Variants in RTF1 observed in about 807,000 individuals in gnomAD.
The protein encoded by RTF1 is RTF1 homolog, Paf1/RNA polymerase II complex component, also known as RNA polymerase-associated protein RTF1 homolog.
Under a neutral mutation model 95.7 loss-of-function variants are expected in RTF1, and 10 were observed. That is an observed-to-expected ratio of 0.10 (90% CI 0.06 to 0.18). The LOEUF (loss-of-function observed/expected upper bound fraction) is 0.18, where lower values mean the gene tolerates loss of function less well. RTF1 is among the 10% of genes least tolerant of loss of function. RTF1 has a pLI of 1.00. For synonymous variants in RTF1, 305 were observed against 311.8 expected (o/e 0.98, Z 0.23); for missense variants, 458 against 875.6 (o/e 0.52, Z 6.02).
intron 1 of RTF1, among the ~76,000 whole-genome samples, chr15:41,433,970 C>T (rs998676562): frequency 6.6e-6 from 1 of 151,444 alleles, no homozygotes; most frequent in African/African-American, 2.4e-5. Flanking sequence ...CTCAGCCTCC[C>T]GAGTAGCTAG....
In RTF1 at chr15:41,464,752, C is replaced by A. The variant is rs1367882743; in HGVS notation, c.663-19C>A. The A allele has an allele frequency of 6.5e-7, 1 of 1,531,112 alleles. No homozygotes were observed. The allele number at this position is 1,531,112 out of a possible 1,614,324, so 94.8% of individuals were successfully genotyped here. A position where few individuals can be genotyped will look rare whatever the true frequency, so the allele number is the denominator to read the frequency against. On this transcript the variant is annotated intron_variant, in intron 4 of 17. Coordinates refer to ENST00000389629, the MANE Select transcript of RTF1 (RefSeq NM_015138.5). ...TATACATTTCATTGCTACTTAAAAACCAAATATCTTTTAACCAGATTTGAA... is the reference window on the plus strand; with the variant it reads ...TATACATTTCATTGCTACTTAAAAAACAAATATCTTTTAACCAGATTTGAA...
At chr15:41,456,711 A>C (rs181875213) in intron 3 of RTF1, among the ~76,000 whole-genome samples, 4 of 151,464 alleles carry the variant, frequency 2.6e-5, no homozygotes, top group African/African-American at 9.7e-5. Context: ...AACTGTTTGA[A>C]CCGGGGAGGT....
At chr15:41,425,349 C>T (rs1482033947) in intron 1 of RTF1, among the ~76,000 whole-genome samples, 1 of 152,032 alleles carries the variant, frequency 6.6e-6, no homozygotes, top group African/African-American at 2.4e-5. Flanking sequence ...CATGATCTGC[C>T]CGCCTCGGCC....
intron 2 of RTF1, among the ~76,000 whole-genome samples, chr15:41,451,453 G>A (rs1043892552): frequency 2.6e-5 from 4 of 152,112 alleles, no homozygotes; most frequent in African/African-American, 7.2e-5. Flanking sequence ...GATGAAGATG[G>A]TTTTTTGGCC....
chr15:41,461,099 A>G lies in RTF1; in HGVS notation c.662+3223A>G, dbSNP rs181048385. 1.5e-3 allele frequency among the ~76,000 whole-genome samples: 229 copies of G among 149,308 alleles called. 2 individuals carry two copies. The highest frequency in any genetic ancestry group is 5.3e-3 in the African/African-American group (214 of 40,484). On this transcript the variant is annotated intron_variant, in intron 4 of 17. Transcript: ENST00000389629. ...CTCTTGTTGCCCAGGCTGGAGTGCA[A>G]TGGCACAATCTCGGCTCACTGCAAC...
At chr15:41,427,749 T>C (rs530213112) in intron 1 of RTF1, among the ~76,000 whole-genome samples, 1 of 152,240 alleles carries the variant, frequency 6.6e-6, no homozygotes, top group Admixed American at 6.5e-5. Flanking sequence ...AAATTTTTGT[T>C]GAATAAGCAG....
chr15:41,435,647 A>T (rs1227258630), intron 1 of RTF1, among the ~76,000 whole-genome samples: 2 of 152,190 alleles, frequency 1.3e-5, no homozygotes, highest in Non-Finnish European at 2.9e-5. Flanking sequence ...ATGAGTGTTT[A>T]TCAACAAGAG....
rs1260959048 is a variant in RTF1, at chr15:41,479,192, G to T, written c.1908G>T (p.Met636Ile). ...SGVLPDAPKEMSKGQGKDKDL... is the reference protein window; with the variant it reads ...SGVLPDAPKEISKGQGKDKDL... ...TGTTACCAGATGCTCCAAAGGAAATGAGCAAGGCAAGTGTGGTACCACCCT... is the reference window on the plus strand; with the variant it reads ...TGTTACCAGATGCTCCAAAGGAAATTAGCAAGGCAAGTGTGGTACCACCCT... The change falls in exon 16 of 18, where the codon ATG becomes ATT. Residue 636 changes from methionine (M) to isoleucine (I), a missense_variant. Met to Ile is a conservative substitution (Grantham distance 10, BLOSUM62 1). Around this residue, in one of 11 missense-constraint regions of RTF1, gnomAD observed 50 missense variants for 100.0 expected, o/e 0.50. Transcript: ENST00000389629. The T allele has an allele frequency of 6.2e-7, 1 of 1,611,916 alleles. No homozygotes were observed. Among genetic ancestry groups the T allele is most frequent in the South Asian group, 1.1e-5 (1 of 91,018 alleles).
In RTF1 at chr15:41,459,920, T is replaced by G. The variant is rs183586699; in HGVS notation, c.662+2044T>G. Among the ~76,000 whole-genome samples the G allele has an allele frequency of 2.5e-3, 386 of 152,210 alleles. 2 individuals carry two copies. The highest frequency in any genetic ancestry group is 6.4e-3 in the South Asian group (31 of 4,824). ...TTTTGTCTTGGAAATAAAATAGCCCTCAGAACAAGGATCCTACCTATTTAA... is the reference window on the plus strand; with the variant it reads ...TTTTGTCTTGGAAATAAAATAGCCCGCAGAACAAGGATCCTACCTATTTAA... On this transcript the variant is annotated intron_variant, in intron 4 of 17. Transcript: ENST00000389629.
At chr15:41,436,004 AC>A (rs1263124324) in intron 1 of RTF1, among the ~76,000 whole-genome samples, 2 of 152,050 alleles carry the variant, frequency 1.3e-5, no homozygotes, top group East Asian at 3.9e-4. Flanking sequence ...TGGGTAAGTT[AC>A]TTAAACTCCT....
intron 1 of RTF1, among the ~76,000 whole-genome samples, chr15:41,426,781 A>ATATGTGTG (rs767579491): frequency 5.1e-5 from 4 of 78,390 alleles, no homozygotes; most frequent in South Asian, 5.2e-4. Flanking sequence ...CTACATATAT[A>ATATGTGTG]TGTGTGTGTG....
intron 2 of RTF1, among the ~76,000 whole-genome samples, chr15:41,444,692 CTG>C (rs2050752152): frequency 6.6e-6 from 1 of 152,148 alleles, no homozygotes; most frequent in Admixed American, 6.6e-5. Context: ...AAATATCCAG[CTG>C]TGTGGTACTG....
intron 2 of RTF1, among the ~76,000 whole-genome samples, chr15:41,439,720 C>T (rs764792044): frequency 6.6e-6 from 1 of 152,176 alleles, no homozygotes; most frequent in Non-Finnish European, 1.5e-5. Context: ...GGCACGATCT[C>T]GGCTCACTGC....
intron 1 of RTF1, among the ~76,000 whole-genome samples, chr15:41,437,444 C>T (rs541632924): frequency 3.8e-4 from 58 of 151,714 alleles, no homozygotes; most frequent in East Asian, 1.4e-3. Context: ...TGTAGTAAGC[C>T]GAGGTCGCAC....
At chr15:41,470,650 C>CTTTATTCATTTTCT (rs2050905728) in intron 7 of RTF1, among the ~76,000 whole-genome samples, 1 of 75,442 alleles carries the variant, frequency 1.3e-5, no homozygotes, top group Non-Finnish European at 2.6e-5. Flanking sequence ...CATTCATTTT[C>CTTTATTCATTTTCT]TTTTTTTTTT....
intron 2 of RTF1, among the ~76,000 whole-genome samples, chr15:41,441,519 G>C (rs2050735927): frequency 6.6e-6 from 1 of 152,136 alleles, no homozygotes; most frequent in African/African-American, 2.4e-5. Flanking sequence ...TTAGTACTGA[G>C]ATTCCCTTCC....
intron 2 of RTF1, among the ~76,000 whole-genome samples, chr15:41,443,372 G>A (rs146095866): frequency 1.3e-5 from 2 of 152,194 alleles, no homozygotes; most frequent in East Asian, 3.9e-4. Flanking sequence ...AATTATTCTC[G>A]ATATCTGGAG....
Position 41,483,428 on chromosome 15 carries a change from C to T in RTF1, c.*2741C>T, listed in dbSNP as rs1050776992. ...TTTATAGGTCTGTTTGTCTGTCTTG[C>T]TTCTGGCAGGTGTAGGGAAAGTCTA... is the stretch of plus-strand genomic sequence containing the variant. On this transcript the variant is annotated 3_prime_UTR_variant, in exon 18 of 18. Transcript: ENST00000389629. 6.6e-6 allele frequency: 1 copy of T among 152,616 alleles called. No homozygotes were observed. The highest frequency in any genetic ancestry group is 1.5e-5 in the Non-Finnish European group (1 of 68,030). 9.5% of individuals were successfully genotyped at this position (152,616 alleles called of 1,614,324 possible).
In RTF1 at chr15:41,417,223, C is replaced by A; in HGVS notation, c.108C>A (p.Ser36Arg). 1 of 1,259,862 alleles carries A rather than the reference C, an allele frequency of 7.9e-7. No individual in the cohort carries two copies. Among genetic ancestry groups the A allele is most frequent in the Non-Finnish European group, 1.0e-6 (1 of 996,574 alleles). The allele number at this position is 1,259,862 out of a possible 1,614,324, so 78.0% of individuals were successfully genotyped here. Residue 36 changes from serine to arginine, a missense_variant, in exon 1 of 18, where the codon AGC becomes AGA. Around this residue, in one of 11 missense-constraint regions of RTF1, gnomAD observed 81 missense variants for 59.9 expected, o/e 1.35. Coordinates refer to ENST00000389629, the MANE Select transcript of RTF1 (RefSeq NM_015138.5). ...EGSPGGGRRG[S>R]RGTTMVKKRK... ...GTCCGGGCGGCGGCCGGCGTGGGAG[C>A]CGGGGGACCACCATGGTAAAGAAGC...
Sources: allele counts gnomAD v4.1 joint callset (sites outside exome capture counted in the v4.1 genomes callset), GRCh38; gene constraint gnomAD v4.1.1; regional missense constraint gnomAD v4.1.1; transcripts MANE v1.5; gene names NCBI Gene and HGNC (gene_info 2026-07-23, HGNC 2026-07-21).